RNF11: variants seen among roughly 807,000 people sequenced by gnomAD.
RNF11 encodes the protein ring finger protein 11.
RNF11 carries 4 observed loss-of-function variants against 15.8 expected under a neutral mutation model. The observed-to-expected ratio is 0.25, with a 90% CI of 0.12 to 0.58. The LOEUF is 0.58. Ranked by LOEUF, RNF11 falls within the 20% of genes least tolerant of loss-of-function variation. The pLI is 0.91. For synonymous variants in RNF11, 68 were observed against 72.3 expected, an observed-to-expected ratio of 0.94 and a Z score of 0.30; for missense variants, 139 against 194.4, an observed-to-expected ratio of 0.71 and a Z score of 1.70.
In RNF11 at chr1:51,237,422, GTGTATATATATATATATGTGTA is replaced by G. The variant is rs1241669817; in HGVS notation, c.123+545_123+566del. Among the ~76,000 whole-genome samples the G allele has an allele frequency of 1.6e-3, 229 of 143,632 alleles. 2 individuals are homozygous for G. Among genetic ancestry groups the G allele is most frequent in the Non-Finnish European group, 2.7e-3 (181 of 65,946 alleles). 94.2% of individuals were successfully genotyped at this position (143,632 alleles called of 152,430 possible). A position where few individuals can be genotyped will look rare whatever the true frequency, so the allele number is the denominator to read the frequency against. ...GCGACATCGAGTTACTTGTGTGTGT[GTGTATATATATATATATGTGTA>G]TATATATATATATATATATGTATAT... On this transcript the variant is annotated intron_variant, in intron 1 of 2. Coordinates refer to ENST00000242719, the MANE Select transcript of RNF11 (RefSeq NM_014372.5).
rs546996782 is a variant in RNF11, at chr1:51,254,217, TA to T, written c.124-15736del. Among the ~76,000 whole-genome samples the T allele has an allele frequency of 3.5e-3, 526 of 152,270 alleles. 2 individuals are homozygous for T. The highest frequency in any genetic ancestry group is 0.012 in the African/African-American group (494 of 41,560). On this transcript the variant is annotated intron_variant, in intron 1 of 2. Coordinates refer to ENST00000242719, the MANE Select transcript of RNF11 (RefSeq NM_014372.5). Reference sequence around the variant, plus strand: ...GTTGATTAGGTTATAGTTTTTTTTTTAAATCAAAGAATAAAACATGGTCTCC... The same window carrying T: ...GTTGATTAGGTTATAGTTTTTTTTTTAATCAAAGAATAAAACATGGTCTCC...
At chr1:51,263,587 T>C (rs1646940480) in intron 1 of RNF11, among the ~76,000 whole-genome samples, 1 of 152,208 alleles carries the variant, frequency 6.6e-6, no homozygotes, top group Non-Finnish European at 1.5e-5. Context: ...TCAGACTCTT[T>C]CATTATATCT....
intron 1 of RNF11, among the ~76,000 whole-genome samples, chr1:51,238,902 G>A (rs1319660662): frequency 6.6e-6 from 1 of 151,942 alleles, no homozygotes; most frequent in African/African-American, 2.4e-5. Context: ...GCTAATTTTT[G>A]TATTTTTAGT....
chr1:51,261,669 C>T (rs547834885), intron 1 of RNF11, among the ~76,000 whole-genome samples: 17 of 151,308 alleles, frequency 1.1e-4, no homozygotes, highest in Non-Finnish European at 8.8e-5. Context: ...CCTCCCACCA[C>T]GCCCTGTCTG....
chr1:51,239,926 T>C lies in RNF11; in HGVS notation c.123+3047T>C, dbSNP rs1004260556. Reference sequence around the variant, plus strand: ...CATCTGACAAATTTGTTTTTATTTATTTTTGCCTTAAAGTAAATCCCTGCA... The same window carrying C: ...CATCTGACAAATTTGTTTTTATTTACTTTTGCCTTAAAGTAAATCCCTGCA... On this transcript the variant is annotated intron_variant, in intron 1 of 2. Coordinates refer to ENST00000242719, the MANE Select transcript of RNF11 (RefSeq NM_014372.5). Among the ~76,000 whole-genome samples, 4 of 152,224 alleles carry C rather than the reference T, an allele frequency of 2.6e-5. No individual in the cohort carries two copies. The South Asian group carries it at 8.3e-4, about 32-fold the overall frequency.
At chr1:51,261,921 C>T (rs1410618240) in intron 1 of RNF11, among the ~76,000 whole-genome samples, 1 of 152,166 alleles carries the variant, frequency 6.6e-6, no homozygotes, top group Non-Finnish European at 1.5e-5. Context: ...TCCCAGCAGT[C>T]TCGGCTCACT....
At chr1:51,241,051 A>T (rs960536892) in intron 1 of RNF11, among the ~76,000 whole-genome samples, 12 of 152,200 alleles carry the variant, frequency 7.9e-5, no homozygotes, top group African/African-American at 2.9e-4. Flanking sequence ...TCCTGACTTC[A>T]GGTGATCTGC....
At chr1:51,260,970 C>T (rs1430931738) in intron 1 of RNF11, among the ~76,000 whole-genome samples, 1 of 152,026 alleles carries the variant, frequency 6.6e-6, no homozygotes, top group Non-Finnish European at 1.5e-5. Flanking sequence ...TCAGTTTTAG[C>T]GGGAAATTCA....
intron 1 of RNF11, among the ~76,000 whole-genome samples, chr1:51,249,885 A>G (rs1034977098): frequency 1.3e-5 from 2 of 152,210 alleles, no homozygotes; most frequent in Non-Finnish European, 1.5e-5. Flanking sequence ...TCAAAAATAA[A>G]CAAGAGTTGA....
At chr1:51,265,481 G>C (rs1646950596) in intron 1 of RNF11, among the ~76,000 whole-genome samples, 1 of 152,144 alleles carries the variant, frequency 6.6e-6, no homozygotes, top group African/African-American at 2.4e-5. Flanking sequence ...CTTAAAGGCA[G>C]ATGATTTCCT....
intron 1 of RNF11, among the ~76,000 whole-genome samples, chr1:51,252,805 T>TTGTGTGTGTGTGTGTGTGTGTG (rs145075866): frequency 5.6e-4 from 81 of 144,026 alleles, no homozygotes; most frequent in African/African-American, 2.0e-3. Context: ...TTTGTCCAGT[T>TTGTGTGTGTGTGTGTGTGTGTG]TGTGTGTGTG....
Position 51,269,968 on chromosome 1 carries a change from G to C in RNF11, c.136G>C (p.Val46Leu), listed in dbSNP as rs761638369. 25 of 1,611,712 alleles carry C rather than the reference G, an allele frequency of 1.6e-5. No homozygotes were observed. The Admixed American group carries it at 2.9e-4, about 18-fold the overall frequency. Residue 46 changes from valine (V) to leucine (L), a missense_variant, in exon 2 of 3, where the codon GTT becomes CTT. Coordinates refer to ENST00000242719, the MANE Select transcript of RNF11 (RefSeq NM_014372.5). ...PPPPYQEQVP[V>L]PVYHPTPSQT... ...TTTAATATTTTAGGAACAAGTTCCA[G>C]TTCCAGTCTACCACCCAACACCTAG...
intron 1 of RNF11, among the ~76,000 whole-genome samples, chr1:51,268,983 A>G (rs1212109632): frequency 6.6e-6 from 1 of 152,224 alleles, no homozygotes; most frequent in East Asian, 1.9e-4. Flanking sequence ...TAGTTATCTC[A>G]TGATTATATC....
intron 1 of RNF11, among the ~76,000 whole-genome samples, chr1:51,262,492 C>T (rs1022801974): frequency 2.6e-5 from 4 of 152,034 alleles, no homozygotes. Flanking sequence ...CTTCAAATAA[C>T]GTAAAGAAAG....
At chr1:51,270,183 AT>A (rs1646971850) in intron 2 of RNF11, 58 bp downstream of exon 2, 2 of 1,424,248 alleles carry the variant, frequency 1.4e-6, no homozygotes, top group Non-Finnish European at 1.9e-6. Flanking sequence ...CTTTTGAAAA[AT>A]TTGCCTTTTC....
chr1:51,248,371 T>G (rs1449491955), intron 1 of RNF11, among the ~76,000 whole-genome samples: 2 of 151,976 alleles, frequency 1.3e-5, no homozygotes, highest in Non-Finnish European at 2.9e-5. Flanking sequence ...CATGCCTGGC[T>G]AATTTTGTAT....
chr1:51,244,721 T>C (rs1318650118), intron 1 of RNF11, among the ~76,000 whole-genome samples: 1 of 152,220 alleles, frequency 6.6e-6, no homozygotes, highest in Non-Finnish European at 1.5e-5. Flanking sequence ...TAGGTGACTT[T>C]TATAAATAAG....
intron 1 of RNF11, among the ~76,000 whole-genome samples, chr1:51,250,055 G>A (rs1646869473): frequency 6.6e-6 from 1 of 152,138 alleles, no homozygotes; most frequent in African/African-American, 2.4e-5. Flanking sequence ...CCAAGTGGTT[G>A]CACTAATTTT....
In RNF11 at chr1:51,271,426, A is replaced by T; in HGVS notation, c.*104A>T. 1 of 929,554 alleles carries T rather than the reference A, an allele frequency of 1.1e-6. No individual in the cohort carries two copies. Among genetic ancestry groups the T allele is most frequent in the Non-Finnish European group, 1.5e-6 (1 of 653,302 alleles). 57.6% of individuals were successfully genotyped at this position (929,554 alleles called of 1,614,324 possible). On this transcript the variant is annotated 3_prime_UTR_variant, in exon 3 of 3. Coordinates refer to ENST00000242719, the MANE Select transcript of RNF11 (RefSeq NM_014372.5). ...GGGATTAGGAATTAAGATCGTGCAC[A>T]AAAGTTTCCTTAAAATTCCTGGATG...
Sources: gnomAD v4.1 joint callset for allele counts (sites outside exome capture counted in the v4.1 genomes callset) on GRCh38, gnomAD v4.1.1 for gene constraint, MANE v1.5 for transcripts, NCBI Gene and HGNC (gene_info 2026-07-23, HGNC 2026-07-21) for gene names.